Variants in PCDHGA1 observed in about 807,000 individuals in gnomAD.
PCDHGA1 encodes the protein protocadherin gamma subfamily A, 1.
A neutral mutation model predicts 58.0 loss-of-function variants in PCDHGA1; 32 were observed. The ratio of observed to expected loss-of-function variants is 0.55; its 90% CI spans 0.42 to 0.74. The LOEUF (loss-of-function observed/expected upper bound fraction) is 0.74. Ranked by LOEUF, PCDHGA1 falls within the 30% of genes least tolerant of loss-of-function variation. PCDHGA1 has a pLI of 0.00. For missense variants in PCDHGA1, 1,205 were observed against 1,182.3 expected (o/e 1.02, Z -0.28); for synonymous variants, 498 against 501.1 (o/e 0.99, Z 0.08).
At chr5:141,369,327 T>G (rs1766164391) in intron 1 of PCDHGA1, among the ~76,000 whole-genome samples, 1 of 152,160 alleles carries the variant, frequency 6.6e-6, no homozygotes, top group African/African-American at 2.4e-5. Context: ...GAAGAAACAG[T>G]ACATTTCAGG....
chr5:141,408,655 A>G (rs778418746), intron 1 of PCDHGA1: 1 of 1,613,928 alleles, frequency 6.2e-7, no homozygotes, highest in African/African-American at 1.3e-5. Flanking sequence ...CTGGTACACG[A>G]CTATCGCTTG....
At chr5:141,453,240 A>G (rs1470706774) in intron 1 of PCDHGA1, among the ~76,000 whole-genome samples, 1 of 152,020 alleles carries the variant, frequency 6.6e-6, no homozygotes, top group African/African-American at 2.4e-5. Context: ...CAGCCTCCCA[A>G]ATAGCTGGGG....
At chr5:141,451,954 G>A (rs2098729151) in intron 1 of PCDHGA1, among the ~76,000 whole-genome samples, 1 of 152,084 alleles carries the variant, frequency 6.6e-6, no homozygotes, top group Non-Finnish European at 1.5e-5. Flanking sequence ...CCGAGAAAGT[G>A]ACATACCATC....
In PCDHGA1 at chr5:141,360,085, C is replaced by T. The variant is rs1314618060; in HGVS notation, c.2421+26980C>T. ...GTGACCTTAGCCCGGATTCTGCCAT[C>T]CCCGGAAGGCTTATTCCTCCTATGG... On this transcript the variant is annotated intron_variant, in intron 1 of 3. Coordinates refer to ENST00000517417, the MANE Select transcript of PCDHGA1 (RefSeq NM_018912.3). 3.3e-6 allele frequency: 5 copies of T among 1,492,600 alleles called. No individual in the cohort carries two copies. The African/African-American group carries it at 5.7e-5, about 17-fold the overall frequency. The allele number at this position is 1,492,600 out of a possible 1,614,324, so 92.5% of individuals were successfully genotyped here.
intron 1 of PCDHGA1, among the ~76,000 whole-genome samples, chr5:141,450,682 T>C (rs112841569): frequency 0.042 from 6,384 of 151,996 alleles, 168 homozygotes; most frequent in Middle Eastern, 0.086. Context: ...AAACGGGGTT[T>C]TGCCATGTTG....
chr5:141,370,407 T>C lies in PCDHGA1; in HGVS notation c.2421+37302T>C. 4 of 1,561,028 alleles carry C rather than the reference T, an allele frequency of 2.6e-6. No individual in the cohort carries two copies. The Admixed American group carries it at 5.9e-5, about 23-fold the overall frequency. ...CGCAGAGAGCGGGATGGGAAATAGCTCCGGATGGAGGGGCCCAGCAGGGCA... is the reference window on the plus strand; with the variant it reads ...CGCAGAGAGCGGGATGGGAAATAGCCCCGGATGGAGGGGCCCAGCAGGGCA... On this transcript the variant is annotated intron_variant, in intron 1 of 3. Transcript: ENST00000517417.
rs938964469 is a variant in PCDHGA1 at position 141,485,439 on chromosome 5, C to T, written c.2422-9368C>T. On this transcript the variant is annotated intron_variant, in intron 1 of 3. Transcript: ENST00000517417. This position sits in a 1 kb window ranked among gnomAD's most constrained non-coding sequence, Gnocchi z 5.7. The stretch of plus-strand genomic sequence containing the variant: ...AGCGGAGCCCTGCTCATCAAGAACC[C>T]AATCGACCGAGAGGCACTGTGTGGG... The T allele has an allele frequency of 1.1e-5, 18 of 1,614,182 alleles. No homozygotes were observed. Among genetic ancestry groups the T allele is most frequent in the Non-Finnish European group, 1.5e-5 (18 of 1,180,036 alleles).
At chr5:141,336,086 A>G (rs1280193306) in intron 1 of PCDHGA1, among the ~76,000 whole-genome samples, 1 of 152,222 alleles carries the variant, frequency 6.6e-6, no homozygotes, top group African/African-American at 2.4e-5. Flanking sequence ...AAATAAAATG[A>G]TGGAAAAAAT....
chr5:141,494,546 G>T (rs984336435), intron 1 of PCDHGA1, among the ~76,000 whole-genome samples: 1 of 152,152 alleles, frequency 6.6e-6, no homozygotes, highest in African/African-American at 2.4e-5. Context: ...GGAGGAAGGG[G>T]CCATTTCTTT....
intron 1 of PCDHGA1, chr5:141,365,220 A>G (rs777231006): frequency 6.2e-7 from 1 of 1,613,958 alleles, no homozygotes; most frequent in East Asian, 2.2e-5. Flanking sequence ...CTTGATTCCA[A>G]CCTGGGGGAA....
chr5:141,367,002 T>A (rs1764897484), intron 1 of PCDHGA1: 3 of 451,252 alleles, frequency 6.6e-6, no homozygotes. Context: ...TATAATCATT[T>A]TACCCAAATA....
chr5:141,387,763 A>T, intron 1 of PCDHGA1: 2 of 1,425,584 alleles, frequency 1.4e-6, no homozygotes, highest in South Asian at 1.5e-5. Context: ...GAAAAAGAAG[A>T]ATTTTTTCTT....
rs765534200 is a variant in PCDHGA1 at position 141,410,067 on chromosome 5, G to A, written c.2421+76962G>A. 8.1e-6 allele frequency: 13 copies of A among 1,612,846 alleles called. No individual in the cohort carries two copies. In the South Asian group the frequency reaches 1.3e-4, roughly 16 times the overall value. ...CCCGGACTCTTCAGCCTGGGGCTGC[G>A]CACTGGGGAGGTGCGCACGGCTCGA... is the stretch of plus-strand genomic sequence containing the variant. On this transcript the variant is annotated intron_variant, in intron 1 of 3. Transcript: ENST00000517417.
intron 1 of PCDHGA1, chr5:141,372,032 G>A (rs1177751501): frequency 1.2e-6 from 2 of 1,613,340 alleles, no homozygotes; most frequent in Non-Finnish European, 1.7e-6. Context: ...GCGCCAACGT[G>A]AGCCTGCGCG....
rs1191643556 is a variant in PCDHGA1, at chr5:141,486,302, C to T, written c.2422-8505C>T. The T allele has an allele frequency of 2.5e-6, 4 of 1,613,918 alleles. No individual in the cohort carries two copies. The highest frequency in any genetic ancestry group is 3.4e-6 in the Non-Finnish European group (4 of 1,180,002). Reference sequence around the variant, plus strand: ...GGTGGCACTTATCAGTGTGCAGGATCCAGACTCAGGGTCAAACGGAGATGT... The same window carrying T: ...GGTGGCACTTATCAGTGTGCAGGATTCAGACTCAGGGTCAAACGGAGATGT... On this transcript the variant is annotated intron_variant, in intron 1 of 3. Coordinates refer to ENST00000517417, the MANE Select transcript of PCDHGA1 (RefSeq NM_018912.3). This position sits in a 1 kb window ranked among gnomAD's most constrained non-coding sequence, Gnocchi z 5.0.
At chr5:141,423,750 TGGGGGGGG>T in intron 1 of PCDHGA1, 1 of 287,524 alleles carries the variant, frequency 3.5e-6, no homozygotes, top group Non-Finnish European at 4.5e-6. Flanking sequence ...GAAAACTGTT[TGGGGGGGG>T]GGTGGGGCGG....
chr5:141,355,846 G>T, intron 1 of PCDHGA1: 10 of 1,612,248 alleles, frequency 6.2e-6, no homozygotes, highest in Non-Finnish European at 8.5e-6. Flanking sequence ...CACGGCCTTC[G>T]ATGGAGGTGA....
intron 1 of PCDHGA1, among the ~76,000 whole-genome samples, chr5:141,433,653 T>C (rs1030084681): frequency 6.6e-6 from 1 of 152,024 alleles, no homozygotes; most frequent in Non-Finnish European, 1.5e-5. Flanking sequence ...CTGACCAACA[T>C]GGAGAAACCC....
At chr5:141,392,819 C>A (rs1346235587) in intron 1 of PCDHGA1, 7 of 1,590,376 alleles carry the variant, frequency 4.4e-6, no homozygotes, top group Non-Finnish European at 6.0e-6. Context: ...CAACAATGGC[C>A]GCTCCACAGA....
Sources: allele counts gnomAD v4.1 joint callset (sites outside exome capture counted in the v4.1 genomes callset), GRCh38; gene constraint gnomAD v4.1.1; non-coding constraint Gnocchi (gnomAD v3.1); transcripts MANE v1.5; gene names NCBI Gene and HGNC (gene_info 2026-07-23, HGNC 2026-07-21).